SDK2: variants seen among roughly 807,000 people sequenced by gnomAD.
SDK2 encodes the protein protein sidekick-2.
A neutral mutation model predicts 253.9 loss-of-function variants in SDK2; 105 were observed. That is an observed-to-expected ratio of 0.41 (90% confidence interval 0.35 to 0.49). The LOEUF (loss-of-function observed/expected upper bound fraction) is 0.49. SDK2 is among the 20% of genes least tolerant of loss of function. The pLI, the probability that SDK2 is intolerant of heterozygous loss-of-function variation, is 0.06. For missense variants in SDK2, 2,608 were observed against 3,003.0 expected (o/e 0.87, Z 3.07); for synonymous variants, 1,249 against 1,234.9 (o/e 1.01, Z -0.24).
chr17:73,381,328 T>C (rs534490685), intron 33 of SDK2, among the ~76,000 whole-genome samples: 1 of 151,352 alleles, frequency 6.6e-6, no homozygotes, highest in South Asian at 2.1e-4. Flanking sequence ...AATTTCCTCA[T>C]ATGAACCAGA....
At chr17:73,632,207 G>A (rs1346472054) in intron 1 of SDK2, among the ~76,000 whole-genome samples, 1 of 152,180 alleles carries the variant, frequency 6.6e-6, no homozygotes, top group East Asian at 1.9e-4. Context: ...ATGGTTCTTG[G>A]GTGTGTCTAT....
chr17:73,608,969 T>A (rs1452263833), intron 1 of SDK2, among the ~76,000 whole-genome samples: 2 of 152,180 alleles, frequency 1.3e-5, no homozygotes, highest in Non-Finnish European at 2.9e-5. Context: ...GAATCAAATA[T>A]CTTCCGTTAA....
chr17:73,492,953 C>A (rs2063816989), intron 2 of SDK2, among the ~76,000 whole-genome samples: 1 of 152,210 alleles, frequency 6.6e-6, no homozygotes, highest in Non-Finnish European at 1.5e-5. Context: ...GTTTCTGTGT[C>A]CTGGCTGAGA....
chr17:73,447,649 G>C lies in SDK2; in HGVS notation c.579C>G (p.Asn193Lys). ...TGAGCGTGATGGGCTGGCTGGTCTTGTTATCCCCGTTTTTGTCGTTAACAG... is the reference window on the plus strand; with the variant it reads ...TGAGCGTGATGGGCTGGCTGGTCTTCTTATCCCCGTTTTTGTCGTTAACAG... ...VQAVNDKNGD[N>K]KTSQPITLTV... is the part of the protein sequence containing the mutation. Residue 193 changes from asparagine to lysine, a missense_variant, in exon 5 of 45, where the codon AAC becomes AAG. By Grantham distance (94) the Asn-to-Lys change is moderately conservative (BLOSUM62 0). Coordinates refer to ENST00000392650, the MANE Select transcript of SDK2 (RefSeq NM_001144952.2). This position sits in a 1 kb window ranked among gnomAD's most constrained non-coding sequence, Gnocchi z 4.0. 1.3e-6 allele frequency: 2 copies of C among 1,551,826 alleles called. No individual in the cohort carries two copies.
In SDK2 at chr17:73,424,109, C is replaced by G. The variant is rs371286803; in HGVS notation, c.1584-17G>C. 1,049 of 1,603,696 alleles carry G rather than the reference C, an allele frequency of 6.5e-4. 10 individuals carry two copies. Among genetic ancestry groups the G allele is most frequent in the South Asian group, 6.2e-3 (558 of 90,232 alleles). ...CAGATGTACCTAAAAGTAAGAAGAA[C>G]CCGTAAGTACAGAGGGAGAGGAAGG... is the stretch of plus-strand genomic sequence containing the variant. On this transcript the variant is annotated splice_polypyrimidine_tract_variant and intron_variant, in intron 12 of 44. Transcript: ENST00000392650.
rs1303061948 is a variant in SDK2, at chr17:73,352,550, A to C, written c.5681T>G (p.Val1894Gly). 1 of 1,614,040 alleles carries C rather than the reference A, an allele frequency of 6.2e-7. No individual in the cohort carries two copies. The highest frequency in any genetic ancestry group is 1.3e-5 in the African/African-American group (1 of 75,052). ...CGCGATGACCCGGAAGTCATAGCTC[A>C]CGCCCGGCTTCAGGATGTCCATGCT... ...TFSMDILKPG[V>G]SYDFRVIAVN... The change falls in exon 41 of 45, where the codon GTG becomes GGG. Residue 1894 changes from valine (V) to glycine (G), a missense_variant. Val to Gly is a moderately radical substitution (Grantham distance 109). Around this residue, in one of 2 missense-constraint regions of SDK2, gnomAD observed 1,103 missense variants for 1,143.9 expected, o/e 0.96. Transcript: ENST00000392650. The surrounding 1 kb of genome is among the most constrained non-coding windows in gnomAD (Gnocchi z 4.1).
rs563445595 is a variant in SDK2 at position 73,377,943 on chromosome 17, A to C, written c.4980+1234T>G. On this transcript the variant is annotated intron_variant, in intron 36 of 44. Coordinates refer to ENST00000392650, the MANE Select transcript of SDK2 (RefSeq NM_001144952.2). ...CTGTTTTTGTGATCTTACCAGGTCA[A>C]CTAAATTGGAACTCAGTTTCCTCAT... Among the ~76,000 whole-genome samples the C allele has an allele frequency of 2.6e-5, 4 of 151,870 alleles. No homozygotes were observed. In the South Asian group the frequency reaches 8.3e-4, roughly 32 times the overall value.
At chr17:73,428,749 A>G (rs2063303522) in intron 12 of SDK2, among the ~76,000 whole-genome samples, 1 of 152,076 alleles carries the variant, frequency 6.6e-6, no homozygotes, top group African/African-American at 2.4e-5. Context: ...CGGAGGGTAG[A>G]AGGGATGTCC....
rs2046057850 is a variant in SDK2, at chr17:73,616,408, C to T, written c.64+27617G>A. ...GAGAAAAAAACAAGAGGGAAAGAGG[C>T]AAGCAACGGTGATTTCCTTTCACTT... On this transcript the variant is annotated intron_variant, in intron 1 of 44. Transcript: ENST00000392650. This position sits in a 1 kb window ranked among gnomAD's most constrained non-coding sequence, Gnocchi z 5.2. Among the ~76,000 whole-genome samples, 1 of 152,072 alleles carries T rather than the reference C, an allele frequency of 6.6e-6. No individual in the cohort carries two copies. Among genetic ancestry groups the T allele is most frequent in the Non-Finnish European group, 1.5e-5 (1 of 68,004 alleles).
intron 1 of SDK2, among the ~76,000 whole-genome samples, chr17:73,577,841 C>A (rs971490267): frequency 6.6e-6 from 1 of 152,070 alleles, no homozygotes; most frequent in Admixed American, 6.5e-5. Context: ...TGTTATGTGG[C>A]AAAGATGGAA....
rs752989741 is a variant in SDK2 at position 73,430,496 on chromosome 17, C to T, written c.1583+15G>A. 4.4e-6 allele frequency: 7 copies of T among 1,588,060 alleles called. No homozygotes were observed. The Admixed American group carries it at 1.0e-4, about 24-fold the overall frequency. Reference sequence around the variant, plus strand: ...CCCCTCCCCTCTTGCCTGGAGTCAACAGCAGAGCCAGTACCTGATGGTTAC... The same window carrying T: ...CCCCTCCCCTCTTGCCTGGAGTCAATAGCAGAGCCAGTACCTGATGGTTAC... On this transcript the variant is annotated intron_variant, in intron 12 of 44. Coordinates refer to ENST00000392650, the MANE Select transcript of SDK2 (RefSeq NM_001144952.2).
chr17:73,569,815 G>A (rs28605230), intron 1 of SDK2, among the ~76,000 whole-genome samples: 23,018 of 151,952 alleles, frequency 0.15, 1,857 homozygotes, highest in South Asian at 0.2. Flanking sequence ...TCCTCAGAAC[G>A]GAGCTCCGAG....
chr17:73,594,749 C>G (rs1303137507), intron 1 of SDK2, among the ~76,000 whole-genome samples: 1 of 152,044 alleles, frequency 6.6e-6, no homozygotes, highest in Non-Finnish European at 1.5e-5. Context: ...CACACAAATA[C>G]ACTTAGCACA....
intron 1 of SDK2, among the ~76,000 whole-genome samples, chr17:73,551,462 G>A (rs2045057630): frequency 6.6e-6 from 1 of 152,228 alleles, no homozygotes; most frequent in African/African-American, 2.4e-5. Context: ...AATGGGGAGG[G>A]GGCGGAGCGG....
intron 9 of SDK2, among the ~76,000 whole-genome samples, chr17:73,434,088 C>T (rs1301091527): frequency 6.6e-6 from 1 of 152,208 alleles, no homozygotes; most frequent in Non-Finnish European, 1.5e-5. Context: ...CAGGTGACAC[C>T]AGTCCCCACA....
chr17:73,569,642 G>T (rs1166138249), intron 1 of SDK2, among the ~76,000 whole-genome samples: 2 of 123,792 alleles, frequency 1.6e-5, no homozygotes, highest in Admixed American at 1.5e-4. Flanking sequence ...TCCAGGCATT[G>T]GAATTTTTTT....
At chr17:73,506,470 T>C (rs1179853414) in intron 2 of SDK2, among the ~76,000 whole-genome samples, 1 of 151,512 alleles carries the variant, frequency 6.6e-6, no homozygotes. Context: ...GGGTGGGGAG[T>C]CACTCCAAAC....
At chr17:73,513,518 T>C (rs2063998153) in intron 1 of SDK2, 1 of 152,238 alleles carries the variant, frequency 6.6e-6, no homozygotes, top group African/African-American at 2.4e-5. Context: ...TGTAGCTTGG[T>C]ACGCCCTCTA....
Position 73,455,561 on chromosome 17 carries a change from G to A in SDK2, c.479+345C>T, listed in dbSNP as rs938299235. On this transcript the variant is annotated intron_variant, in intron 4 of 44. Transcript: ENST00000392650. This position sits in a 1 kb window ranked among gnomAD's most constrained non-coding sequence, Gnocchi z 5.0. Reference sequence around the variant, plus strand: ...CTCTCCAAGGTCCCCCAGCGCCACTGGCCTGAGTCCTGGGCCTGTAACCAC... The same window carrying A: ...CTCTCCAAGGTCCCCCAGCGCCACTAGCCTGAGTCCTGGGCCTGTAACCAC... Among the ~76,000 whole-genome samples, 6 of 152,234 alleles carry A rather than the reference G, an allele frequency of 3.9e-5. No homozygotes were observed. Among genetic ancestry groups the A allele is most frequent in the Admixed American group, 1.3e-4 (2 of 15,294 alleles).
Sources: gnomAD v4.1 joint callset for allele counts (sites outside exome capture counted in the v4.1 genomes callset) on GRCh38, gnomAD v4.1.1 for gene constraint, gnomAD v4.1.1 regional missense constraint, Gnocchi (gnomAD v3.1) non-coding constraint, MANE v1.5 for transcripts, NCBI Gene and HGNC (gene_info 2026-07-23, HGNC 2026-07-21) for gene names.